The following MUC4 variants were observed in gnomAD, a reference collection of about 807,000 sequenced individuals.
MUC4 encodes the protein mucin 4, cell surface associated, also known as mucin-4.
MUC4 carries 202 observed loss-of-function variants against 257.9 expected under a neutral mutation model. The ratio of observed to expected loss-of-function variants is 0.78; its 90% CI spans 0.70 to 0.88. The LOEUF is 0.88. Among genes scored for constraint, MUC4 ranks in the 40% least tolerant of loss-of-function variants. The probability of loss-of-function intolerance (pLI) is 0.00; values close to 1 mark genes in which losing one functional copy is unlikely to be tolerated. For missense variants in MUC4, 5,976 were observed against 6,513.7 expected (o/e 0.92, Z 2.84); for synonymous variants, 2,351 against 2,757.1 (o/e 0.85, Z 4.62).
At position 195,789,389 on chromosome 3, in the gene MUC4, A is replaced by G; in HGVS notation, c.2191T>C (p.Ser731Pro). The G allele has an allele frequency of 6.2e-7, 1 of 1,613,796 alleles. No homozygotes were observed. Among genetic ancestry groups the G allele is most frequent in the Non-Finnish European group, 8.5e-7 (1 of 1,179,848 alleles). ...DATLGPSGGT[S>P]LSKTGALTLA... ...GTAAGGGCACCTGTTTTGGAAAGTG[A>G]CGTGCCTCCTGAGGGCCCCAGGGTG... is the stretch of plus-strand genomic sequence containing the variant. The change falls in exon 2 of 25, where the codon TCA (serine) becomes CCA (proline). Residue 731 changes from serine to proline, a missense_variant. By Grantham distance (74) the Ser-to-Pro change is moderately conservative. Around this residue, in one of 44 missense-constraint regions of MUC4, gnomAD observed 1,583 missense variants for 1,257.4 expected, o/e 1.26. Coordinates refer to ENST00000463781, the MANE Select transcript of MUC4 (RefSeq NM_018406.7).
chr3:195,792,821 C>G (rs56394012), intron 1 of MUC4, among the ~76,000 whole-genome samples: 3 of 152,058 alleles, frequency 2.0e-5, no homozygotes, highest in African/African-American at 7.3e-5. Context: ...AATGGGATCA[C>G]GTCCTTTGCA....
chr3:195,796,563 C>T (rs1476729302), intron 1 of MUC4, among the ~76,000 whole-genome samples: 2 of 151,828 alleles, frequency 1.3e-5, no homozygotes, highest in South Asian at 2.1e-4. Flanking sequence ...TGGTGGCAGG[C>T]GCCTGTAGTC....
chr3:195,807,155 G>A (rs753576355), intron 1 of MUC4, among the ~76,000 whole-genome samples: 2 of 152,180 alleles, frequency 1.3e-5, no homozygotes, highest in Non-Finnish European at 2.9e-5. Context: ...TCCAGGAAAA[G>A]GGTGAAAAGG....
intron 1 of MUC4, among the ~76,000 whole-genome samples, chr3:195,804,467 C>T (rs1735729461): frequency 6.6e-6 from 1 of 152,202 alleles, no homozygotes; most frequent in African/African-American, 2.4e-5. Flanking sequence ...GAAGCCACTC[C>T]CTGAAGACAC....
chr3:195,798,758 T>C (rs1734906971), intron 1 of MUC4, among the ~76,000 whole-genome samples: 1 of 152,196 alleles, frequency 6.6e-6, no homozygotes, highest in Non-Finnish European at 1.5e-5. Flanking sequence ...TTATTCAGTA[T>C]ACATAATTTT....
rs947249241 is a variant in MUC4, at chr3:195,778,382, C to G, written c.12864G>C (p.Gln4288His). The change falls in exon 3 of 25, where the codon CAG (glutamine) becomes CAC (histidine). Residue 4288 changes from glutamine (Q) to histidine (H), a missense_variant. This residue lies in a region of MUC4 where 233 missense variants were observed against 171.2 expected (regional missense o/e 1.36). Transcript: ENST00000463781. ...TGCTGGGAATGGTGGAAATGATGGT[C>G]TGGGAGGTTGTGGGGGGTGGTGATG... ...TATSPPPTTSQTIISTIPSTA... is the reference protein window; with the variant it reads ...TATSPPPTTSHTIISTIPSTA... 6.8e-6 allele frequency: 11 copies of G among 1,613,054 alleles called. No homozygotes were observed. Among genetic ancestry groups the G allele is most frequent in the Non-Finnish European group, 8.5e-6 (10 of 1,179,880 alleles).
Position 195,790,450 on chromosome 3 carries a change from G to A in MUC4, c.1130C>T (p.Thr377Ile), listed in dbSNP as rs1104760. 0.81 allele frequency: 1,300,803 copies of A among 1,613,476 alleles called. 526,927 individuals are homozygous for A. The highest frequency in any genetic ancestry group is 0.82 in the Non-Finnish European group (970,835 of 1,179,546). The change falls in exon 2 of 25, where the codon ACC becomes ATC. Residue 377 changes from threonine (T) to isoleucine (I), a missense_variant. Physicochemically the swap from Thr to Ile is moderately conservative, Grantham distance 89. Transcript: ENST00000463781. Reference protein sequence around the residue: ...QETFPSGETTTSSPSSVSNTF... With the variant: ...QETFPSGETTISSPSSVSNTF... ...ATTGCTGACACTGGAAGGGGATGAG[G>A]TGGTTGTTTCACCAGAAGGGAATGT...
chr3:195,748,340 G>T (rs1266706520), intron 24 of MUC4, among the ~76,000 whole-genome samples: 1 of 152,292 alleles, frequency 6.6e-6, no homozygotes, highest in Non-Finnish European at 1.5e-5. Flanking sequence ...AAGGTGGACG[G>T]ATCACCTGAG....
chr3:195,763,466 A>C lies in MUC4; in HGVS notation c.14220T>G (p.Ala4740=). Residue 4740 remains alanine, a synonymous_variant, in exon 12 of 25, where the codon GCT becomes GCG. Transcript: ENST00000463781. ...AQATNFIAFA[A]QYRSSSLGPV... Reference sequence around the variant, plus strand: ...GGCCCAGGCTGCTGGAGCGGTACTGAGCCGCAAAGGCGATGAAGTTGGTGG... The same window carrying C: ...GGCCCAGGCTGCTGGAGCGGTACTGCGCCGCAAAGGCGATGAAGTTGGTGG... 1 of 1,489,432 alleles carries C rather than the reference A, an allele frequency of 6.7e-7. No homozygotes were observed. Among genetic ancestry groups the C allele is most frequent in the East Asian group, 2.5e-5 (1 of 39,430 alleles). 92.3% of individuals were successfully genotyped at this position (1,489,432 alleles called of 1,614,324 possible).
At position 195,757,021 on chromosome 3, in the gene MUC4, C is replaced by T; in HGVS notation, c.15168+126G>A. On this transcript the variant is annotated intron_variant, in intron 18 of 24. Transcript: ENST00000463781. This position sits in a 1 kb window ranked among gnomAD's most constrained non-coding sequence, Gnocchi z 4.8. ...CTGAGACTGGAATCTGCTCTACTCA[C>T]CTACCACTGCTCCACCCATCTCCCA... 2.1e-6 allele frequency: 2 copies of T among 975,180 alleles called. No homozygotes were observed. The highest frequency in any genetic ancestry group is 3.1e-6 in the Non-Finnish European group (2 of 650,278). The allele number at this position is 975,180 out of a possible 1,614,324, so 60.4% of individuals were successfully genotyped here. A position where few individuals can be genotyped will look rare whatever the true frequency, so the allele number is the denominator to read the frequency against.
At chr3:195,761,936 C>G (rs1719029670) in intron 14 of MUC4, 151 bp downstream of exon 14, 1 of 990,882 alleles carries the variant, frequency 1.0e-6, no homozygotes, top group Admixed American at 2.9e-5. Context: ...GGAGAAGCCC[C>G]TCGGCTCCCG....
chr3:195,763,437 A>T lies in MUC4; in HGVS notation c.14249T>A (p.Val4750Asp), dbSNP rs367767716. The T allele has an allele frequency of 7.1e-6, 10 of 1,412,064 alleles. No homozygotes were observed. Among genetic ancestry groups the T allele is most frequent in the Non-Finnish European group, 9.3e-6 (10 of 1,078,680 alleles). 87.5% of individuals were successfully genotyped at this position (1,412,064 alleles called of 1,614,324 possible). The change falls in exon 12 of 25, where the codon GTC becomes GAC. Residue 4750 changes from valine (V) to aspartate (D), a missense_variant. Physicochemically the swap from Val to Asp is radical, Grantham distance 152 (BLOSUM62 -3). Around this residue, in one of 44 missense-constraint regions of MUC4, gnomAD observed 996 missense variants for 1,137.3 expected, o/e 0.88. Transcript: ENST00000463781. ...AQYRSSSLGP[V>D]TVQWLLEPHD... ...TTCCCGGCACCCCTCACTCACCGTG[A>T]CGGGGCCCAGGCTGCTGGAGCGGTA... is the stretch of plus-strand genomic sequence containing the variant.
chr3:195,778,615 G>A (rs1057024554), intron 2 of MUC4, among the ~76,000 whole-genome samples, 160 bp from the exon 3 acceptor site: 1 of 152,182 alleles, frequency 6.6e-6, no homozygotes, highest in Non-Finnish European at 1.5e-5. Context: ...CTTTTCGATT[G>A]CGGCACAAAG....
chr3:195,787,020 AGGGGTGGCGTGACCTGTGGATGCT>A lies in MUC4; in HGVS notation c.4536_4559del (p.Ala1513_Pro1520del). 1 of 1,474,640 alleles carries A rather than the reference AGGGGTGGCGTGACCTGTGGATGCT, an allele frequency of 6.8e-7. No individual in the cohort carries two copies. Among genetic ancestry groups the A allele is most frequent in the African/African-American group, 1.6e-5 (1 of 60,764 alleles). 91.3% of individuals were successfully genotyped at this position (1,474,640 alleles called of 1,614,324 possible). The stretch of plus-strand genomic sequence containing the variant: ...CTGAGGAAAGGCTGGTGACAGGAAG[AGGGGTGGCGTGACCTGTGGATGCT>A]GAGGAAGGGCTGGTGACATGAAGAG... On this transcript the variant is annotated inframe_deletion, in exon 2 of 25. Coordinates refer to ENST00000463781, the MANE Select transcript of MUC4 (RefSeq NM_018406.7).
At chr3:195,763,777 G>C (rs1287963528) in intron 11 of MUC4, 136 bp from the exon 12 acceptor site, 4 of 1,058,306 alleles carry the variant, frequency 3.8e-6, no homozygotes, top group East Asian at 2.6e-5. Context: ...TGGGGCACTT[G>C]TCCGGGCGGA....
At position 195,788,623 on chromosome 3, in the gene MUC4, G is replaced by C. The variant is rs1366106491; in HGVS notation, c.2957C>G (p.Ser986Cys). The C allele has an allele frequency of 1.9e-6, 3 of 1,599,398 alleles. No individual in the cohort carries two copies. Among genetic ancestry groups the C allele is most frequent in the Non-Finnish European group, 2.6e-6 (3 of 1,172,638 alleles). The change falls in exon 2 of 25, where the codon TCC (serine) becomes TGC (cysteine). Residue 986 changes from serine (S) to cysteine (C), a missense_variant. This residue lies in a region of MUC4 where 1,583 missense variants were observed against 1,257.4 expected (regional missense o/e 1.26). Coordinates refer to ENST00000463781, the MANE Select transcript of MUC4 (RefSeq NM_018406.7). Reference protein sequence around the residue: ...PLPVTYASSASTGHTTPLHVT... With the variant: ...PLPVTYASSACTGHTTPLHVT... ...ATGAAGAGGGGTGGTGTGACCTGTG[G>C]ATGCCGAGGAAGCGTAGGTGACAGG...
In MUC4 at chr3:195,770,293, C is replaced by T. The variant is rs760786845; in HGVS notation, c.13321G>A (p.Gly4441Arg). The T allele has an allele frequency of 7.4e-6, 12 of 1,614,110 alleles. No homozygotes were observed. The highest frequency in any genetic ancestry group is 6.7e-5 in the East Asian group (3 of 44,874). ...AGGGCCCACCTGGCCTTGTAGCCCC[C>T]GTTGTTTGTCATCTTTCTAATCCAA... The part of the protein sequence containing the change: ...ESWIRKMTNN[G>R]GYKARWALKV... The change falls in exon 6 of 25, where the codon GGG becomes AGG. Residue 4441 changes from glycine to arginine, a missense_variant. Physicochemically the swap from Gly to Arg is moderately radical, Grantham distance 125. Coordinates refer to ENST00000463781, the MANE Select transcript of MUC4 (RefSeq NM_018406.7).
At position 195,771,734 on chromosome 3, in the gene MUC4, G is replaced by C. The variant is rs1229783864; in HGVS notation, c.13160C>G (p.Thr4387Arg). 3 of 1,613,880 alleles carry C rather than the reference G, an allele frequency of 1.9e-6. No individual in the cohort carries two copies. The highest frequency in any genetic ancestry group is 2.5e-6 in the Non-Finnish European group (3 of 1,179,832). ...SYPNPLPTGF[T>R]GRDPVALVAP... ...CACCAGGGCCACAGGGTCCCGGCCT[G>C]TGAAGCCTGTTGGGAGTGGGTTGGG... The change falls in exon 5 of 25, where the codon ACA (threonine) becomes AGA (arginine). Residue 4387 changes from threonine (T) to arginine (R), a missense_variant. This residue lies in a region of MUC4 where 996 missense variants were observed against 1,137.3 expected (regional missense o/e 0.88). Coordinates refer to ENST00000463781, the MANE Select transcript of MUC4 (RefSeq NM_018406.7).
chr3:195,754,640 C>T lies in MUC4; in HGVS notation c.15169-268G>A, dbSNP rs569224329. On this transcript the variant is annotated intron_variant, in intron 18 of 24. Coordinates refer to ENST00000463781, the MANE Select transcript of MUC4 (RefSeq NM_018406.7). Reference sequence around the variant, plus strand: ...CCCTGCACCAGGATCTCAGCCTCTTCCCTCTCACACTCTAGCTCTTTGCCT... The same window carrying T: ...CCCTGCACCAGGATCTCAGCCTCTTTCCTCTCACACTCTAGCTCTTTGCCT... 1.2e-4 allele frequency among the ~76,000 whole-genome samples: 18 copies of T among 152,362 alleles called. No individual in the cohort carries two copies. The South Asian group carries it at 3.1e-3, about 26-fold the overall frequency.
Sources: allele counts gnomAD v4.1 joint callset (sites outside exome capture counted in the v4.1 genomes callset), GRCh38; gene constraint gnomAD v4.1.1; regional missense constraint gnomAD v4.1.1; non-coding constraint Gnocchi (gnomAD v3.1); transcripts MANE v1.5; gene names NCBI Gene and HGNC (gene_info 2026-07-23, HGNC 2026-07-21).